Variants in GALNTL6 observed in about 807,000 individuals in gnomAD.
The protein encoded by GALNTL6 is polypeptide N-acetylgalactosaminyltransferase-like 6.
GALNTL6 carries 46 observed loss-of-function variants against 73.7 expected under a neutral mutation model. The ratio of observed to expected loss-of-function variants is 0.62; its 90% CI spans 0.49 to 0.80. GALNTL6 has a LOEUF of 0.80. Among genes scored for constraint, GALNTL6 ranks in the 30% least tolerant of loss-of-function variants. The pLI is 0.00. For missense variants in GALNTL6, 604 were observed against 755.0 expected (o/e 0.80, Z 2.34); for synonymous variants, 259 against 263.7 (o/e 0.98, Z 0.17).
intron 3 of GALNTL6, among the ~76,000 whole-genome samples, chr4:172,231,253 T>G (rs926959791): frequency 2.0e-5 from 3 of 152,174 alleles, no homozygotes; most frequent in African/African-American, 7.2e-5. Flanking sequence ...ATGCTGAAGT[T>G]TTTTGGAAAT....
chr4:172,232,802 G>C (rs548938424), intron 3 of GALNTL6, among the ~76,000 whole-genome samples: 276 of 151,858 alleles, frequency 1.8e-3, no homozygotes, highest in African/African-American at 6.1e-3. Context: ...TTATGCTATG[G>C]GGACATTTGT....
At chr4:171,974,586 T>A (rs1739664777) in intron 2 of GALNTL6, among the ~76,000 whole-genome samples, 1 of 152,208 alleles carries the variant, frequency 6.6e-6, no homozygotes, top group Admixed American at 6.5e-5. Context: ...CATTTCTCAA[T>A]TTTATTTTTA....
chr4:172,775,604 T>C (rs1739028563), intron 5 of GALNTL6, among the ~76,000 whole-genome samples: 1 of 152,174 alleles, frequency 6.6e-6, no homozygotes, highest in Admixed American at 6.5e-5. Context: ...TTTTTTCATC[T>C]TAAAACCAAC....
At chr4:172,896,449 T>C (rs531930493) in intron 8 of GALNTL6, among the ~76,000 whole-genome samples, 177 of 152,258 alleles carry the variant, frequency 1.2e-3, no homozygotes, top group African/African-American at 3.5e-3. Flanking sequence ...CCAAAGAAGA[T>C]ACTTGTGTGG....
intron 4 of GALNTL6, among the ~76,000 whole-genome samples, chr4:172,332,457 T>C (rs1267272593): frequency 6.6e-6 from 1 of 152,052 alleles, no homozygotes; most frequent in Non-Finnish European, 1.5e-5. Context: ...CTCCTAACCC[T>C]GGCTCCCAAC....
chr4:172,161,275 A>G (rs557445178), intron 2 of GALNTL6, among the ~76,000 whole-genome samples: 69 of 152,176 alleles, frequency 4.5e-4, no homozygotes, highest in African/African-American at 1.6e-3. Context: ...GTGCATGTAT[A>G]TGAATACCTT....
At chr4:172,243,968 GTCTCT>G (rs550994215) in intron 3 of GALNTL6, among the ~76,000 whole-genome samples, 66 of 152,062 alleles carry the variant, frequency 4.3e-4, no homozygotes, top group Non-Finnish European at 9.0e-4. Flanking sequence ...GAAGCCTCAT[GTCTCT>G]TAAAAATATT....
intron 5 of GALNTL6, among the ~76,000 whole-genome samples, chr4:172,600,044 C>A (rs1317091649): frequency 6.6e-6 from 1 of 152,004 alleles, no homozygotes; most frequent in Admixed American, 6.6e-5. Flanking sequence ...ATTTCTAAAT[C>A]CTGACCTTGT....
chr4:172,199,415 C>A (rs1034670681), intron 2 of GALNTL6, among the ~76,000 whole-genome samples: 1 of 152,150 alleles, frequency 6.6e-6, no homozygotes, highest in Non-Finnish European at 1.5e-5. Flanking sequence ...TTTTCGTGAT[C>A]ATTTTCAGTC....
chr4:172,712,918 C>G lies in GALNTL6; in HGVS notation c.554-96443C>G, dbSNP rs74763792. ...TCTCAGTTTTGCCACTTGCTCTCAC[C>G]AAGACCTTGAGCAGATTATATAACC... On this transcript the variant is annotated intron_variant, in intron 5 of 12. Transcript: ENST00000506823. Among the ~76,000 whole-genome samples, 306 of 152,040 alleles carry G rather than the reference C, an allele frequency of 2.0e-3. 3 individuals carry two copies. The highest frequency in any genetic ancestry group is 6.6e-3 in the African/African-American group (274 of 41,482).
intron 5 of GALNTL6, among the ~76,000 whole-genome samples, chr4:172,779,127 G>T (rs545931901): frequency 1.3e-5 from 2 of 152,202 alleles, no homozygotes; most frequent in Admixed American, 6.5e-5. Context: ...GAGCCTACAG[G>T]GGTACCTAGG....
chr4:173,026,487 C>T (rs989364343), intron 12 of GALNTL6, among the ~76,000 whole-genome samples: 3 of 152,176 alleles, frequency 2.0e-5, no homozygotes, highest in African/African-American at 4.8e-5. Context: ...CAGTGACATC[C>T]GGGCCAGCAT....
At chr4:171,992,871 A>C (rs1195276202) in intron 2 of GALNTL6, among the ~76,000 whole-genome samples, 1 of 152,036 alleles carries the variant, frequency 6.6e-6, no homozygotes, top group Non-Finnish European at 1.5e-5. Context: ...TAAGAAAATG[A>C]TTGGTGAAGG....
chr4:172,543,596 AAGAACTC>A (rs1735652416), intron 5 of GALNTL6, among the ~76,000 whole-genome samples: 1 of 152,236 alleles, frequency 6.6e-6, no homozygotes, highest in African/African-American at 2.4e-5. Flanking sequence ...GCGACAGAGA[AAGAACTC>A]AGAATCACAA....
At chr4:173,018,276 A>AG (rs1752860661) in intron 11 of GALNTL6, among the ~76,000 whole-genome samples, 1 of 152,260 alleles carries the variant, frequency 6.6e-6, no homozygotes, top group African/African-American at 2.4e-5. Flanking sequence ...GAGTCATCAA[A>AG]GTTGAAAATT....
chr4:172,552,535 C>T (rs1485160606), intron 5 of GALNTL6, among the ~76,000 whole-genome samples: 1 of 151,878 alleles, frequency 6.6e-6, no homozygotes, highest in Non-Finnish European at 1.5e-5. Flanking sequence ...TTTGCTAAAA[C>T]ATAAAGTCCA....
In GALNTL6 at chr4:171,953,225, C is replaced by CGTGTGTGTGT. The variant is rs36214606; in HGVS notation, c.138+138538_138+138547dup. On this transcript the variant is annotated intron_variant, in intron 2 of 12. Transcript: ENST00000506823. ...AATTAAAATGGTGTGCGCATGCGCA[C>CGTGTGTGTGT]GTGTGTGTGTGTGTGTGTGTGTGTG... Among the ~76,000 whole-genome samples, 634 of 147,116 alleles carry CGTGTGTGTGT rather than the reference C, an allele frequency of 4.3e-3. 5 individuals carry two copies. Among genetic ancestry groups the CGTGTGTGTGT allele is most frequent in the East Asian group, 0.015 (74 of 4,930 alleles).
rs376143671 is a variant in GALNTL6, at chr4:172,702,554, C to T, written c.554-106807C>T. On this transcript the variant is annotated intron_variant, in intron 5 of 12. Transcript: ENST00000506823. The stretch of plus-strand genomic sequence containing the variant: ...CTTAATATCCAATGTGACAGTGGGG[C>T]GGGACCTTTGGGAAGGTGATTTTGT... 8.6e-5 allele frequency among the ~76,000 whole-genome samples: 13 copies of T among 151,456 alleles called. No individual in the cohort carries two copies. In the East Asian group the frequency reaches 1.9e-3, roughly 23 times the overall value.
chr4:172,523,457 T>C (rs1448336675), intron 5 of GALNTL6, among the ~76,000 whole-genome samples: 4 of 152,088 alleles, frequency 2.6e-5, no homozygotes, highest in Admixed American at 6.6e-5. Context: ...CTCCACCTCC[T>C]GGGCTCAAGT....
Sources: allele counts gnomAD v4.1 joint callset (sites outside exome capture counted in the v4.1 genomes callset), GRCh38; gene constraint gnomAD v4.1.1; transcripts MANE v1.5; gene names NCBI Gene and HGNC (gene_info 2026-07-23, HGNC 2026-07-21).